FBXW7: variants seen among roughly 807,000 people sequenced by gnomAD.
The protein encoded by FBXW7 is F-box/WD repeat-containing protein 7.
A neutral mutation model predicts 86.3 loss-of-function variants in FBXW7; 11 were observed. The ratio of observed to expected loss-of-function variants is 0.13; its 90% CI spans 0.08 to 0.21. FBXW7 has a LOEUF of 0.21. Ranked by LOEUF, FBXW7 falls within the 10% of genes least tolerant of loss-of-function variation. FBXW7 has a pLI of 1.00. For synonymous variants in FBXW7, 313 were observed against 297.9 expected, an observed-to-expected ratio of 1.05 and a Z score of -0.52; for missense variants, 488 against 847.4, an observed-to-expected ratio of 0.58 and a Z score of 5.27.
chr4:152,380,461 A>G (rs1025080249), intron 4 of FBXW7, among the ~76,000 whole-genome samples: 4 of 151,918 alleles, frequency 2.6e-5, no homozygotes, highest in African/African-American at 9.7e-5. Flanking sequence ...TTTTTTAAAT[A>G]TCTTCTAAAA....
chr4:152,350,451 C>A (rs1334753765), intron 4 of FBXW7, among the ~76,000 whole-genome samples: 1 of 151,658 alleles, frequency 6.6e-6, no homozygotes, highest in Non-Finnish European at 1.5e-5. Flanking sequence ...AGGGAAAAAT[C>A]TCAAGTTAAT....
At chr4:152,496,912 T>C (rs1746400620) in intron 2 of FBXW7, among the ~76,000 whole-genome samples, 1 of 152,122 alleles carries the variant, frequency 6.6e-6, no homozygotes, top group Non-Finnish European at 1.5e-5. Flanking sequence ...ATCAAAACTA[T>C]TAAAATTAAC....
chr4:152,330,091 G>C (rs1274115228), intron 9 of FBXW7, among the ~76,000 whole-genome samples: 1 of 151,700 alleles, frequency 6.6e-6, no homozygotes, highest in Non-Finnish European at 1.5e-5. Context: ...CAAACCAGAA[G>C]AATATGCCTC....
At chr4:152,352,373 AGAG>A in intron 4 of FBXW7, 1 of 1,481,536 alleles carries the variant, frequency 6.7e-7, no homozygotes, top group South Asian at 1.3e-5. Flanking sequence ...CACCAAAATT[AGAG>A]GATACTGCAG....
At chr4:152,441,430 G>A (rs1312698217) in intron 2 of FBXW7, among the ~76,000 whole-genome samples, 6 of 152,082 alleles carry the variant, frequency 3.9e-5, no homozygotes, top group Non-Finnish European at 1.5e-5. Flanking sequence ...ATATTCACCA[G>A]TATATGACAC....
At chr4:152,477,493 T>C (rs555067129) in intron 2 of FBXW7, among the ~76,000 whole-genome samples, 145 of 152,092 alleles carry the variant, frequency 9.5e-4, no homozygotes, top group African/African-American at 3.3e-3. Context: ...CTAAAGAGAA[T>C]CCGGTAGAAG....
intron 7 of FBXW7, 105 bp downstream of exon 7, chr4:152,337,697 G>T: frequency 1.7e-6 from 2 of 1,207,972 alleles, no homozygotes; most frequent in South Asian, 1.6e-5. Flanking sequence ...GTGTCAAACT[G>T]ACAATACCGA....
intron 2 of FBXW7, among the ~76,000 whole-genome samples, chr4:152,467,694 T>C (rs779970275): frequency 5.9e-5 from 9 of 152,202 alleles, no homozygotes; most frequent in Non-Finnish European, 1.3e-4. Context: ...GAAATGCCAA[T>C]GCTTTTTCGT....
chr4:152,515,786 G>A (rs1748431748), intron 2 of FBXW7, among the ~76,000 whole-genome samples: 2 of 147,342 alleles, frequency 1.4e-5, no homozygotes, highest in Non-Finnish European at 1.5e-5. Context: ...CACTGTCCAA[G>A]CAATAATGTG....
At chr4:152,384,680 T>G (rs1018498729) in intron 4 of FBXW7, among the ~76,000 whole-genome samples, 1 of 152,046 alleles carries the variant, frequency 6.6e-6, no homozygotes, top group Non-Finnish European at 1.5e-5. Context: ...TTAAATTTCA[T>G]GTTATGGATA....
intron 4 of FBXW7, among the ~76,000 whole-genome samples, chr4:152,391,330 A>G (rs1735978823): frequency 6.6e-6 from 1 of 152,166 alleles, no homozygotes; most frequent in African/African-American, 2.4e-5. Flanking sequence ...TACTCAAAAA[A>G]ATAATTTTTC....
chr4:152,433,173 A>G (rs1403424659), intron 2 of FBXW7, among the ~76,000 whole-genome samples: 1 of 152,220 alleles, frequency 6.6e-6, no homozygotes, highest in Non-Finnish European at 1.5e-5. Flanking sequence ...GTCATTCTGA[A>G]TAAAGCTGCT....
intron 4 of FBXW7, among the ~76,000 whole-genome samples, chr4:152,405,264 G>T (rs1471344904): frequency 6.6e-6 from 1 of 152,072 alleles, no homozygotes; most frequent in East Asian, 1.9e-4. Flanking sequence ...TACCAAAAAT[G>T]TCACCAGGTA....
chr4:152,475,537 A>G (rs1394783362), intron 2 of FBXW7, among the ~76,000 whole-genome samples: 1 of 152,230 alleles, frequency 6.6e-6, no homozygotes, highest in Non-Finnish European at 1.5e-5. Flanking sequence ...AAGTGCAATT[A>G]AGAAAGGAAA....
At chr4:152,392,073 AAAAAAAG>A (rs199726059) in intron 4 of FBXW7, among the ~76,000 whole-genome samples, 2,657 of 152,296 alleles carry the variant, frequency 0.017, 32 homozygotes, top group Non-Finnish European at 0.023. Context: ...GCCCAAATTT[AAAAAAAG>A]AAACAGGAAT....
At chr4:152,428,981 G>C (rs967286847) in intron 2 of FBXW7, among the ~76,000 whole-genome samples, 1 of 152,140 alleles carries the variant, frequency 6.6e-6, no homozygotes, top group Admixed American at 6.5e-5. Context: ...CCTGAGGTAG[G>C]GAGTTTGAGA....
intron 2 of FBXW7, among the ~76,000 whole-genome samples, chr4:152,499,377 TTC>T (rs1746690096): frequency 6.6e-6 from 1 of 152,122 alleles, no homozygotes; most frequent in Non-Finnish European, 1.5e-5. Flanking sequence ...GGAAATTGAG[TTC>T]TGACTCTATA....
chr4:152,494,628 A>G (rs1746150180), intron 2 of FBXW7, among the ~76,000 whole-genome samples: 1 of 152,188 alleles, frequency 6.6e-6, no homozygotes, highest in South Asian at 2.1e-4. Context: ...AGATTTGAGG[A>G]GATCAGGGAA....
intron 2 of FBXW7, among the ~76,000 whole-genome samples, chr4:152,458,847 G>GC (rs1165736477): frequency 6.6e-6 from 1 of 152,136 alleles, no homozygotes; most frequent in Non-Finnish European, 1.5e-5. Context: ...AACAAACCCA[G>GC]CTATGTTCAG....
Sources: allele counts gnomAD v4.1 joint callset (sites outside exome capture counted in the v4.1 genomes callset), GRCh38; gene constraint gnomAD v4.1.1; transcripts MANE v1.5; gene names NCBI Gene and HGNC (gene_info 2026-07-23, HGNC 2026-07-21).